NR1I2: variants seen among roughly 807,000 people sequenced by gnomAD.
The protein encoded by NR1I2 is nuclear receptor subfamily 1 group I member 2.
Under a neutral mutation model 43.3 loss-of-function variants are expected in NR1I2, and 42 were observed. The ratio of observed to expected loss-of-function variants is 0.97; its 90% CI spans 0.76 to 1.26. NR1I2 has a LOEUF of 1.26. NR1I2 is among the 50% of genes most tolerant of loss of function. The probability of loss-of-function intolerance (pLI) is 0.00; values close to 1 mark genes in which losing one functional copy is unlikely to be tolerated. For missense variants in NR1I2, 559 were observed against 566.7 expected, an observed-to-expected ratio of 0.99 and a Z score of 0.14; for synonymous variants, 229 against 215.0, an observed-to-expected ratio of 1.06 and a Z score of -0.57.
intron 1 of NR1I2, among the ~76,000 whole-genome samples, chr3:119,798,639 C>CAGGAA (rs1553717552): frequency 0.026 from 3,172 of 121,388 alleles, 171 homozygotes; most frequent in African/African-American, 0.095. Context: ...GACTCCGTCT[C>CAGGAA]AAAAAAAAAA....
intron 2 of NR1I2, among the ~76,000 whole-genome samples, chr3:119,809,668 C>T (rs2055209938): frequency 6.6e-6 from 1 of 152,060 alleles, no homozygotes; most frequent in African/African-American, 2.4e-5. Context: ...AGAGGCCCAT[C>T]TCCATGGAAA....
intron 1 of NR1I2, among the ~76,000 whole-genome samples, chr3:119,803,268 C>T (rs528504004): frequency 6.6e-6 from 1 of 151,632 alleles, no homozygotes; most frequent in South Asian, 2.1e-4. Flanking sequence ...ATAGAGGCTG[C>T]AATGAGCTGA....
At chr3:119,810,876 G>A (rs1364896329) in intron 3 of NR1I2, among the ~76,000 whole-genome samples, 1 of 152,188 alleles carries the variant, frequency 6.6e-6, no homozygotes, top group East Asian at 1.9e-4. Context: ...TCATAGCTTT[G>A]TTCTACACAC....
intron 1 of NR1I2, chr3:119,792,309 A>G: frequency 1.4e-6 from 2 of 1,446,888 alleles, no homozygotes; most frequent in Non-Finnish European, 1.9e-6. Flanking sequence ...CTTTGGGCTC[A>G]TCCTGGATGA....
intron 1 of NR1I2, among the ~76,000 whole-genome samples, chr3:119,803,266 T>C (rs1259946760): frequency 1.3e-5 from 2 of 151,654 alleles, no homozygotes; most frequent in Admixed American, 6.6e-5. Context: ...AGATAGAGGC[T>C]GCAATGAGCT....
intron 1 of NR1I2, chr3:119,791,902 A>G (rs2054924047): frequency 1.6e-6 from 1 of 630,190 alleles, no homozygotes; most frequent in Non-Finnish European, 3.0e-6. Flanking sequence ...TCTGCCTTAT[A>G]TAACATGGAT....
At chr3:119,794,528 A>G (rs553238526) in intron 1 of NR1I2, among the ~76,000 whole-genome samples, 3 of 142,820 alleles carry the variant, frequency 2.1e-5, no homozygotes, top group East Asian at 4.2e-4. Flanking sequence ...GGGTCTTGCT[A>G]TATTGTCCAG....
At position 119,810,068 on chromosome 3, in the gene NR1I2, A is replaced by T. The variant is rs1559789554; in HGVS notation, c.205A>T (p.Met69Leu). The T allele has an allele frequency of 3.7e-6, 6 of 1,613,696 alleles. No homozygotes were observed. Among genetic ancestry groups the T allele is most frequent in the Non-Finnish European group, 5.1e-6 (6 of 1,179,904 alleles). The change falls in exon 3 of 9, where the codon ATG (methionine) becomes TTG (leucine). Residue 69 changes from methionine (M) to leucine (L), a missense_variant. By Grantham distance (15) the Met-to-Leu change is conservative. This residue lies in a region of NR1I2 where 232 missense variants were observed against 236.6 expected (regional missense o/e 0.98). Coordinates refer to ENST00000393716, the MANE Select transcript of NR1I2 (RefSeq NM_003889.4). ...CTCCCCATTCTCTCACAGGAGGGCC[A>T]TGAAACGCAACGCCCGGCTGAGGTG...
In NR1I2 at chr3:119,810,257, G is replaced by A. The variant is rs112813596; in HGVS notation, c.331+63G>A. 23 of 1,544,118 alleles carry A rather than the reference G, an allele frequency of 1.5e-5. 1 individual carries two copies. In the African/African-American group the frequency reaches 1.8e-4, roughly 12 times the overall value. On this transcript the variant is annotated intron_variant, in intron 3 of 8. Transcript: ENST00000393716. ...GCACGGCTCTGAGTAAGGACGTGCC[G>A]TGGGTGTGGGCATGCTTGTGTGGAG...
chr3:119,789,921 G>A (rs1258724941), intron 1 of NR1I2, among the ~76,000 whole-genome samples: 1 of 152,146 alleles, frequency 6.6e-6, no homozygotes, highest in Admixed American at 6.6e-5. Context: ...GAGCAGGATT[G>A]AAAAATTAAT....
Position 119,784,403 on chromosome 3 carries a change from AT to A in NR1I2, c.-23+2111del, listed in dbSNP as rs534284026. Among the ~76,000 whole-genome samples, 231 of 151,432 alleles carry A rather than the reference AT, an allele frequency of 1.5e-3. 1 individual carries two copies. Among genetic ancestry groups the A allele is most frequent in the Admixed American group, 4.0e-3 (61 of 15,228 alleles). On this transcript the variant is annotated intron_variant, in intron 1 of 8. Transcript: ENST00000393716. ...ATATCCTTAGCTTATTTTATGTCGG[AT>A]TTTTTTTCTTCTTTGTAGGAGTTTT...
intron 4 of NR1I2, among the ~76,000 whole-genome samples, chr3:119,812,283 C>T (rs1416555790): frequency 6.6e-6 from 1 of 152,104 alleles, no homozygotes; most frequent in African/African-American, 2.4e-5. Context: ...CTTCACAGCC[C>T]AAATAACTGG....
intron 1 of NR1I2, among the ~76,000 whole-genome samples, chr3:119,800,261 A>G (rs948718607): frequency 1.3e-5 from 2 of 152,180 alleles, no homozygotes; most frequent in South Asian, 2.1e-4. Context: ...CCTTTCCTCC[A>G]TTGAATTGCC....
chr3:119,785,445 G>C (rs1438448608), intron 1 of NR1I2, among the ~76,000 whole-genome samples: 2 of 152,202 alleles, frequency 1.3e-5, no homozygotes, highest in African/African-American at 4.8e-5. Context: ...TTGCAGGCCT[G>C]TTGTTAAGAA....
chr3:119,791,314 C>A (rs2054914829), intron 1 of NR1I2, among the ~76,000 whole-genome samples: 1 of 152,084 alleles, frequency 6.6e-6, no homozygotes, highest in South Asian at 2.1e-4. Context: ...GGCTTGGCCT[C>A]CAGAGTGGCC....
chr3:119,795,735 T>G (rs895641884), intron 1 of NR1I2, among the ~76,000 whole-genome samples: 3 of 152,264 alleles, frequency 2.0e-5, no homozygotes, highest in African/African-American at 7.2e-5. Flanking sequence ...TCTCAAACTA[T>G]ATCCCACCAC....
chr3:119,813,040 C>T lies in NR1I2; in HGVS notation c.794+80C>T. On this transcript the variant is annotated intron_variant, in intron 5 of 8. Transcript: ENST00000393716. ...AGGTTCAAAGGGCCTGGGGTAGATC[C>T]TGAATTTGGGGGATATTGGTGTCAG... The T allele has an allele frequency of 6.7e-6, 10 of 1,488,424 alleles. No individual in the cohort carries two copies. In the South Asian group the frequency reaches 9.2e-5, roughly 14 times the overall value. 92.2% of individuals were successfully genotyped at this position (1,488,424 alleles called of 1,614,324 possible).
At chr3:119,791,961 A>G in intron 1 of NR1I2, 1 of 686,414 alleles carries the variant, frequency 1.5e-6, no homozygotes, top group Non-Finnish European at 2.7e-6. Context: ...AGTACAGGAC[A>G]TTGTGGTAGG....
Position 119,818,059 on chromosome 3 carries a change from G to C in NR1I2, c.*847G>C. ...GCTGAGCTGTGATGGCGGGCACTGG[G>C]TACCCAAGTGAAGGTTCCCAAGGAC... On this transcript the variant is annotated 3_prime_UTR_variant, in exon 9 of 9. Coordinates refer to ENST00000393716, the MANE Select transcript of NR1I2 (RefSeq NM_003889.4). 23 of 985,552 alleles carry C rather than the reference G, an allele frequency of 2.3e-5. No individual in the cohort carries two copies. Among genetic ancestry groups the C allele is most frequent in the Non-Finnish European group, 2.7e-5 (22 of 829,992 alleles). The allele number at this position is 985,552 out of a possible 1,614,324, so 61.1% of individuals were successfully genotyped here.
Sources: allele counts gnomAD v4.1 joint callset (sites outside exome capture counted in the v4.1 genomes callset), GRCh38; gene constraint gnomAD v4.1.1; regional missense constraint gnomAD v4.1.1; transcripts MANE v1.5; gene names NCBI Gene and HGNC (gene_info 2026-07-23, HGNC 2026-07-21).